Variants in NDUFS8 observed in about 807,000 individuals in gnomAD.
The protein encoded by NDUFS8 is NADH dehydrogenase [ubiquinone] iron-sulfur protein 8, mitochondrial.
NDUFS8 carries 13 observed loss-of-function variants against 25.6 expected under a neutral mutation model. The ratio of observed to expected loss-of-function variants is 0.51; its 90% CI spans 0.33 to 0.81. The LOEUF is 0.81. Ranked by LOEUF, NDUFS8 falls within the 30% of genes least tolerant of loss-of-function variation. NDUFS8 has a pLI of 0.02. For synonymous variants in NDUFS8, 119 were observed against 119.4 expected (o/e 1.00, Z 0.02); for missense variants, 257 against 300.9 (o/e 0.85, Z 1.08).
rs1854740722 is a variant in NDUFS8 at position 68,030,688 on chromosome 11, G to C, written c.-46G>C. The C allele has an allele frequency of 9.1e-6, 3 of 329,258 alleles. No homozygotes were observed. The highest frequency in any genetic ancestry group is 2.3e-5 in the African/African-American group (1 of 44,274). 20.4% of individuals were successfully genotyped at this position (329,258 alleles called of 1,614,324 possible). A position where few individuals can be genotyped will look rare whatever the true frequency, so the allele number is the denominator to read the frequency against. The stretch of plus-strand genomic sequence containing the variant: ...TCCTACAGTGTAGCCTCCGCCTCCC[G>C]ATTGACTGGCCTGCTTGGCAAGGCA... On this transcript the variant is annotated 5_prime_UTR_variant, in exon 1 of 7. Coordinates refer to ENST00000313468, the MANE Select transcript of NDUFS8 (RefSeq NM_002496.4).
At chr11:68,036,223 C>T (rs780009576) in intron 5 of NDUFS8, 30 bp from the exon 6 acceptor site, 23 of 1,611,518 alleles carry the variant, frequency 1.4e-5, no homozygotes, top group Admixed American at 1.0e-4. Context: ...GACAGGGCAG[C>T]GTGGCAGTGT....
At chr11:68,036,411 C>T in intron 6 of NDUFS8, 30 bp downstream of exon 6, 1 of 1,613,774 alleles carries the variant, frequency 6.2e-7, no homozygotes, top group Non-Finnish European at 8.5e-7. Flanking sequence ...GGGAGGGGGC[C>T]TGAGGCTCCT....
At chr11:68,034,929 T>C (rs1439302311) in intron 5 of NDUFS8, 3 of 151,234 alleles carry the variant, frequency 2.0e-5, no homozygotes, top group Admixed American at 2.0e-4. Context: ...ATTAGCCGGG[T>C]GTGGGGTTGC....
intron 1 of NDUFS8, 161 bp downstream of exon 1, chr11:68,030,894 G>GCC (rs57503021): frequency 0.2 from 89,271 of 444,752 alleles, 9,957 homozygotes; most frequent in African/African-American, 0.25. Flanking sequence ...CGGGGAGCCG[G>GCC]CTCTCAGGGC....
intron 1 of NDUFS8, 123 bp from the exon 2 acceptor site, chr11:68,032,028 AT>A (rs1234655359): frequency 7.2e-7 from 1 of 1,392,688 alleles, no homozygotes; most frequent in African/African-American, 1.4e-5. Context: ...TCTGACAGCA[AT>A]GGGGTGCGAG....
At chr11:68,033,655 T>C (rs185903909) in intron 5 of NDUFS8, 73 of 332,744 alleles carry the variant, frequency 2.2e-4, no homozygotes, top group African/African-American at 1.5e-3. Flanking sequence ...GCAGCTTCCC[T>C]TCCCCAGTGG....
At position 68,036,601 on chromosome 11, in the gene NDUFS8, C is replaced by A; in HGVS notation, c.*8C>A. The A allele has an allele frequency of 1.2e-6, 2 of 1,613,390 alleles. No homozygotes were observed. Among genetic ancestry groups the A allele is most frequent in the Non-Finnish European group, 1.7e-6 (2 of 1,179,992 alleles). ...GACTACTTGTATCGGTGACGCCCCA[C>A]CGGCCCGCAGCCCCTGCTGCCCAAT... On this transcript the variant is annotated 3_prime_UTR_variant, in exon 7 of 7. Coordinates refer to ENST00000313468, the MANE Select transcript of NDUFS8 (RefSeq NM_002496.4).
chr11:68,032,821 G>C (rs765850936), intron 3 of NDUFS8, 102 bp from the exon 4 acceptor site: 25 of 1,158,582 alleles, frequency 2.2e-5, no homozygotes, highest in Non-Finnish European at 3.1e-5. Context: ...TTGTAGCCCA[G>C]CAGTTGCACC....
chr11:68,030,908 T>G (rs770515012), intron 1 of NDUFS8, 175 bp downstream of exon 1: 3 of 360,544 alleles, frequency 8.3e-6, no homozygotes, highest in African/African-American at 2.8e-5. Context: ...TCAGGGCGCA[T>G]GCGCCGCCCG....
chr11:68,034,825 C>T (rs1032879911), intron 5 of NDUFS8: 4 of 150,900 alleles, frequency 2.7e-5, no homozygotes, highest in African/African-American at 9.8e-5. Flanking sequence ...AATCCCAGCA[C>T]TTTGGGAGGC....
intron 4 of NDUFS8, 28 bp from the exon 5 acceptor site, chr11:68,033,083 C>T: frequency 6.2e-7 from 1 of 1,613,116 alleles, no homozygotes; most frequent in Non-Finnish European, 8.5e-7. Flanking sequence ...GAGGGTGCCC[C>T]TGCCCACCAC....
chr11:68,033,776 A>C, intron 5 of NDUFS8: 2 of 184,458 alleles, frequency 1.1e-5, no homozygotes, highest in South Asian at 9.7e-5. Flanking sequence ...CTCTGGTCAG[A>C]CCCCTGTGTG....
intron 1 of NDUFS8, 173 bp downstream of exon 1, chr11:68,030,906 CATG>C (rs774779130): frequency 1.8e-4 from 79 of 446,020 alleles, no homozygotes; most frequent in Admixed American, 3.4e-4. Context: ...TCTCAGGGCG[CATG>C]CGCCGCCCGC....
rs1160771106 is a variant in NDUFS8 at position 68,033,517 on chromosome 11, G to A, written c.372+234G>A. Reference sequence around the variant, plus strand: ...GCCCTGGGCAGGCGCCTGACACACAGAGGTTCCCCCTTGGGGTCTGGCCAA... The same window carrying A: ...GCCCTGGGCAGGCGCCTGACACACAAAGGTTCCCCCTTGGGGTCTGGCCAA... On this transcript the variant is annotated intron_variant, in intron 5 of 6. Coordinates refer to ENST00000313468, the MANE Select transcript of NDUFS8 (RefSeq NM_002496.4). 4.8e-6 allele frequency: 3 copies of A among 629,216 alleles called. No individual in the cohort carries two copies. The African/African-American group carries it at 5.5e-5, about 11-fold the overall frequency. The allele number at this position is 629,216 out of a possible 1,614,324, so 39.0% of individuals were successfully genotyped here. A position where few individuals can be genotyped will look rare whatever the true frequency, so the allele number is the denominator to read the frequency against.
In NDUFS8 at chr11:68,033,098, G is replaced by A. The variant is rs1056059059; in HGVS notation, c.200-13G>A. On this transcript the variant is annotated splice_polypyrimidine_tract_variant and intron_variant, in intron 4 of 6. Coordinates refer to ENST00000313468, the MANE Select transcript of NDUFS8 (RefSeq NM_002496.4). ...GAGGGTGCCCCTGCCCACCACACCC[G>A]TGCTGCCCACAGGCCTGGGCATGAC... 31 of 1,612,888 alleles carry A rather than the reference G, an allele frequency of 1.9e-5. No individual in the cohort carries two copies. The highest frequency in any genetic ancestry group is 1.1e-4 in the African/African-American group (8 of 74,910).
intron 5 of NDUFS8, 162 bp from the exon 6 acceptor site, chr11:68,036,091 G>A (rs186692978): frequency 1.8e-5 from 20 of 1,103,348 alleles, no homozygotes; most frequent in Admixed American, 1.3e-4. Context: ...AGACAGGCGC[G>A]AGCACCAGAG....
rs1165718032 is a variant in NDUFS8, at chr11:68,036,598, C to G, written c.*5C>G. The G allele has an allele frequency of 6.2e-7, 1 of 1,613,308 alleles. No homozygotes were observed. Among genetic ancestry groups the G allele is most frequent in the Non-Finnish European group, 8.5e-7 (1 of 1,179,984 alleles). On this transcript the variant is annotated 3_prime_UTR_variant, in exon 7 of 7. Coordinates refer to ENST00000313468, the MANE Select transcript of NDUFS8 (RefSeq NM_002496.4). ...GCTGACTACTTGTATCGGTGACGCC[C>G]CACCGGCCCGCAGCCCCTGCTGCCC... is the stretch of plus-strand genomic sequence containing the variant.
intron 5 of NDUFS8, chr11:68,035,279 C>T (rs1204253456): frequency 6.5e-6 from 1 of 153,196 alleles, no homozygotes; most frequent in African/African-American, 2.4e-5. Flanking sequence ...TCTACAACAA[C>T]AACAAAAAAT....
At position 68,032,233 on chromosome 11, in the gene NDUFS8, G is replaced by C. The variant is rs1854778990; in HGVS notation, c.58+24G>C. 3 of 1,613,612 alleles carry C rather than the reference G, an allele frequency of 1.9e-6. No homozygotes were observed. The South Asian group carries it at 3.3e-5, about 18-fold the overall frequency. On this transcript the variant is annotated intron_variant, in intron 2 of 6. Transcript: ENST00000313468. ...AGGTAGGACCAAAGAAGCCTTTGCT[G>C]GGGGTAGGGGAGTCCAGTCTCCTGG...
Sources: allele counts gnomAD v4.1 joint callset, GRCh38; gene constraint gnomAD v4.1.1; transcripts MANE v1.5; gene names NCBI Gene and HGNC (gene_info 2026-07-23, HGNC 2026-07-21).